MICAL2: variants seen among roughly 807,000 people sequenced by gnomAD.
The protein encoded by MICAL2 is [F-actin]-monooxygenase MICAL2.
Under a neutral mutation model 127.3 loss-of-function variants are expected in MICAL2, and 77 were observed. That is an observed-to-expected ratio of 0.60 (90% CI 0.50 to 0.73). The LOEUF is 0.73. Ranked by LOEUF, MICAL2 falls within the 30% of genes least tolerant of loss-of-function variation. MICAL2 has a pLI of 0.00. For synonymous variants in MICAL2, 570 were observed against 551.1 expected (o/e 1.03, Z -0.48); for missense variants, 1,351 against 1,434.4 (o/e 0.94, Z 0.94).
At chr11:12,320,217 C>T (rs1256603313) in intron 30 of MICAL2, among the ~76,000 whole-genome samples, 1 of 152,150 alleles carries the variant, frequency 6.6e-6, no homozygotes, top group Non-Finnish European at 1.5e-5. Context: ...TATGTTTATT[C>T]TAATCAGAAA....
At chr11:12,235,900 G>A (rs1858982157) in intron 15 of MICAL2, among the ~76,000 whole-genome samples, 1 of 152,218 alleles carries the variant, frequency 6.6e-6, no homozygotes, top group Non-Finnish European at 1.5e-5. Context: ...GTTTCATGAA[G>A]ATCTTTTGGG....
chr11:12,293,415 C>A (rs1201667762), downstream of MICAL2: 3 of 1,062,790 alleles, frequency 2.8e-6, no homozygotes, highest in Non-Finnish European at 4.0e-6. Context: ...CCTTTAAAAT[C>A]ATCTTAGGCA....
chr11:12,331,493 C>G (rs1864428048), intron 32 of MICAL2, among the ~76,000 whole-genome samples: 1 of 152,090 alleles, frequency 6.6e-6, no homozygotes, highest in African/African-American at 2.4e-5. Context: ...CAGGAGCACA[C>G]ATTATGTGAG....
intron 26 of MICAL2, chr11:12,260,553 C>T: frequency 2.0e-6 from 2 of 1,003,686 alleles, no homozygotes; most frequent in South Asian, 9.3e-5. Flanking sequence ...TTATCAAAGC[C>T]ACTGCCTGCA....
At chr11:12,211,545 G>T (rs1181893372) in intron 6 of MICAL2, among the ~76,000 whole-genome samples, 1 of 152,226 alleles carries the variant, frequency 6.6e-6, no homozygotes, top group Admixed American at 6.5e-5. Flanking sequence ...CTGCACCTGT[G>T]TGACAGGCAC....
chr11:12,154,604 G>A (rs907800254), intron 2 of MICAL2, among the ~76,000 whole-genome samples: 3 of 152,172 alleles, frequency 2.0e-5, no homozygotes, highest in Admixed American at 2.0e-4. Context: ...ATTATTTTAT[G>A]GAGTTGAAAT....
intron 3 of MICAL2, among the ~76,000 whole-genome samples, chr11:12,170,340 C>G (rs1189404174): frequency 6.6e-6 from 1 of 151,982 alleles, no homozygotes; most frequent in Non-Finnish European, 1.5e-5. Context: ...GTCTCAACTA[C>G]TGGGGAGTCT....
At chr11:12,157,428 A>C (rs773351947) in intron 2 of MICAL2, among the ~76,000 whole-genome samples, 2 of 152,166 alleles carry the variant, frequency 1.3e-5, no homozygotes, top group African/African-American at 2.4e-5. Flanking sequence ...CAGGGAAAGG[A>C]AGTTGCTTTG....
intron 2 of MICAL2, among the ~76,000 whole-genome samples, chr11:12,155,812 G>T (rs1854126932): frequency 6.6e-6 from 1 of 152,190 alleles, no homozygotes; most frequent in Admixed American, 6.5e-5. Context: ...TGATGACGTT[G>T]GCTTCCTTCT....
intron 34 of MICAL2, chr11:12,354,913 C>T (rs1178547566): frequency 1.2e-5 from 19 of 1,521,838 alleles, no homozygotes; most frequent in South Asian, 1.0e-4. Context: ...TCCTGAGCAG[C>T]GTGTGCCACA....
intron 1 of MICAL2, among the ~76,000 whole-genome samples, chr11:12,122,625 T>C (rs1034606150): frequency 6.6e-6 from 1 of 152,116 alleles, no homozygotes; most frequent in African/African-American, 2.4e-5. Flanking sequence ...GCCAGGCTGA[T>C]CTCAACCTCC....
At chr11:12,316,999 T>G (rs1264143157) in intron 29 of MICAL2, among the ~76,000 whole-genome samples, 2 of 152,214 alleles carry the variant, frequency 1.3e-5, no homozygotes, top group Non-Finnish European at 2.9e-5. Flanking sequence ...AAAGAAGCTT[T>G]CAAGATTGTT....
At chr11:12,118,362 A>G (rs1175937718) in intron 1 of MICAL2, among the ~76,000 whole-genome samples, 4 of 152,152 alleles carry the variant, frequency 2.6e-5, no homozygotes, top group African/African-American at 4.8e-5. Context: ...CTTTTTTGGC[A>G]GCTGTTGTCC....
In MICAL2 at chr11:12,126,108, A is replaced by C. The variant is rs1173752081; in HGVS notation, c.-148-12282A>C. Among the ~76,000 whole-genome samples, 5 of 152,384 alleles carry C rather than the reference A, an allele frequency of 3.3e-5. No homozygotes were observed. In the East Asian group the frequency reaches 7.7e-4, roughly 23 times the overall value. Reference sequence around the variant, plus strand: ...ATAGGCCAGCACATGGAGGGTCTGTAGTAAACAGGGCCTCTCCCTCAGAAG... The same window carrying C: ...ATAGGCCAGCACATGGAGGGTCTGTCGTAAACAGGGCCTCTCCCTCAGAAG... On this transcript the variant is annotated intron_variant, in intron 1 of 27. Transcript: ENST00000683283.
chr11:12,222,783 C>G (rs919028486), intron 11 of MICAL2, 40 bp downstream of exon 11: 5 of 1,612,180 alleles, frequency 3.1e-6, no homozygotes, highest in Middle Eastern at 1.7e-4. Flanking sequence ...TCACTCTGCA[C>G]TGAACAGTGG....
At chr11:12,229,811 C>G (rs578141427) in intron 15 of MICAL2, among the ~76,000 whole-genome samples, 1 of 152,328 alleles carries the variant, frequency 6.6e-6, no homozygotes, top group East Asian at 1.9e-4. Context: ...AATTCTGGCC[C>G]CTTTTGAATC....
intron 29 of MICAL2, among the ~76,000 whole-genome samples, chr11:12,299,578 C>T (rs1051546040): frequency 6.6e-6 from 1 of 152,130 alleles, no homozygotes; most frequent in East Asian, 1.9e-4. Flanking sequence ...TGTCAGTGGT[C>T]ATCTTATAGA....
At chr11:12,311,949 T>G (rs2134824796) in intron 29 of MICAL2, among the ~76,000 whole-genome samples, 1 of 152,106 alleles carries the variant, frequency 6.6e-6, no homozygotes, top group East Asian at 1.9e-4. Context: ...TTTCTTCTTG[T>G]GTTTGTTTTG....
chr11:12,222,106 C>T (rs1355318183), intron 10 of MICAL2, among the ~76,000 whole-genome samples: 2 of 152,198 alleles, frequency 1.3e-5, no homozygotes, highest in African/African-American at 4.8e-5. Context: ...CGCTGAGTCT[C>T]CTGTCCTGGA....
Sources: allele counts gnomAD v4.1 joint callset (sites outside exome capture counted in the v4.1 genomes callset), GRCh38; gene constraint gnomAD v4.1.1; transcripts MANE v1.5; gene names NCBI Gene and HGNC (gene_info 2026-07-23, HGNC 2026-07-21).